Variants in RIOX2 observed in about 807,000 individuals in gnomAD.
RIOX2 encodes 60S ribosomal protein L27a histidine hydroxylase.
A neutral mutation model predicts 51.2 loss-of-function variants in RIOX2; 43 were observed. The ratio of observed to expected loss-of-function variants is 0.84; its 90% CI spans 0.66 to 1.08. The LOEUF (loss-of-function observed/expected upper bound fraction) is 1.08. RIOX2 is among the 50% of genes least tolerant of loss of function. The probability of loss-of-function intolerance (pLI) is 0.00; values close to 1 mark genes in which losing one functional copy is unlikely to be tolerated. For synonymous variants in RIOX2, 226 were observed against 218.5 expected (o/e 1.03, Z -0.30); for missense variants, 566 against 561.7 (o/e 1.01, Z -0.08).
intron 4 of RIOX2, 68 bp from the exon 5 acceptor site, chr3:97,954,563 G>A: frequency 7.6e-7 from 1 of 1,321,452 alleles, no homozygotes; most frequent in Non-Finnish European, 1.1e-6. Context: ...TTCATTTCAG[G>A]GAGATAAATA....
chr3:97,951,539 T>C (rs1705250364), intron 5 of RIOX2, among the ~76,000 whole-genome samples: 1 of 152,226 alleles, frequency 6.6e-6, no homozygotes, highest in Non-Finnish European at 1.5e-5. Context: ...CTGGGGTATC[T>C]GGAATTGGCT....
chr3:97,966,544 A>C (rs1232779502), intron 2 of RIOX2, among the ~76,000 whole-genome samples: 1 of 152,238 alleles, frequency 6.6e-6, no homozygotes, highest in Non-Finnish European at 1.5e-5. Flanking sequence ...TATAGAAAAA[A>C]ATTTAAAAAT....
chr3:97,941,902 T>C lies in RIOX2; in HGVS notation c.*3282A>G, dbSNP rs1292711095. On this transcript the variant is annotated 3_prime_UTR_variant, in exon 10 of 10. Transcript: ENST00000394198. The stretch of plus-strand genomic sequence containing the variant: ...AAAAATGAAAAACTTTTAAAAGTAA[T>C]TATTGTCTGGATATCTTTAGCCCAT... The C allele has an allele frequency of 6.3e-6, 1 of 157,548 alleles. No homozygotes were observed. Among genetic ancestry groups the C allele is most frequent in the Non-Finnish European group, 1.4e-5 (1 of 72,020 alleles). 9.8% of individuals were successfully genotyped at this position (157,548 alleles called of 1,614,324 possible). A position where few individuals can be genotyped will look rare whatever the true frequency, so the allele number is the denominator to read the frequency against.
At position 97,950,906 on chromosome 3, in the gene RIOX2, G is replaced by A. The variant is rs769424893; in HGVS notation, c.786-18C>T. The A allele has an allele frequency of 2.5e-5, 39 of 1,590,328 alleles. No homozygotes were observed. Among genetic ancestry groups the A allele is most frequent in the Non-Finnish European group, 3.3e-5 (38 of 1,160,218 alleles). ...CCCATGAACTAGGATATGCACCAAG[G>A]GGGAAAAAAAAACCAAAACAGTGAG... On this transcript the variant is annotated intron_variant, in intron 5 of 9. Transcript: ENST00000394198.
At chr3:97,962,738 T>C (rs75544304) in intron 2 of RIOX2, among the ~76,000 whole-genome samples, 283 of 152,298 alleles carry the variant, frequency 1.9e-3, no homozygotes, top group African/African-American at 6.5e-3. Context: ...CAAATATCAA[T>C]TATGCAACCC....
intron 2 of RIOX2, among the ~76,000 whole-genome samples, chr3:97,966,529 C>A (rs1433201490): frequency 6.6e-6 from 1 of 152,110 alleles, no homozygotes; most frequent in Non-Finnish European, 1.5e-5. Flanking sequence ...AATGTCAATC[C>A]CTGATATAGA....
chr3:97,969,773 G>A lies in RIOX2; in HGVS notation c.-39-2141C>T, dbSNP rs542972681. Among the ~76,000 whole-genome samples, 159 of 152,292 alleles carry A rather than the reference G, an allele frequency of 1.0e-3. 3 individuals carry two copies. The highest frequency in any genetic ancestry group is 9.9e-4 in the Non-Finnish European group (67 of 68,020). ...GCAACTGAGCACAGCCAGTGTGACCGCTCGAAGACCCTTGGAGCCTTGCAC... is the reference window on the plus strand; with the variant it reads ...GCAACTGAGCACAGCCAGTGTGACCACTCGAAGACCCTTGGAGCCTTGCAC... On this transcript the variant is annotated intron_variant, in intron 1 of 9. Coordinates refer to ENST00000394198, the MANE Select transcript of RIOX2 (RefSeq NM_153182.4).
chr3:97,967,023 G>T, intron 2 of RIOX2, 139 bp downstream of exon 2: 2 of 854,268 alleles, frequency 2.3e-6, no homozygotes, highest in Non-Finnish European at 3.7e-6. Flanking sequence ...AATGCATTTA[G>T]ACCAAAGAGG....
Position 97,942,632 on chromosome 3 carries a change from C to T in RIOX2, c.*2552G>A, listed in dbSNP as rs1194901266. Reference sequence around the variant, plus strand: ...TAGCAGAAAAAGCCAAACAACAAAGCTTAGGGTTTTTGTTCATTAGTACAG... The same window carrying T: ...TAGCAGAAAAAGCCAAACAACAAAGTTTAGGGTTTTTGTTCATTAGTACAG... On this transcript the variant is annotated 3_prime_UTR_variant, in exon 10 of 10. Transcript: ENST00000394198. 1.9e-6 allele frequency: 1 copy of T among 535,248 alleles called. No individual in the cohort carries two copies. Among genetic ancestry groups the T allele is most frequent in the Non-Finnish European group, 3.2e-6 (1 of 314,212 alleles). The allele number at this position is 535,248 out of a possible 1,614,324, so 33.2% of individuals were successfully genotyped here.
intron 2 of RIOX2, among the ~76,000 whole-genome samples, chr3:97,966,496 T>C (rs1011663351): frequency 2.6e-5 from 4 of 152,190 alleles, no homozygotes; most frequent in African/African-American, 4.8e-5. Context: ...AAACCAAGCA[T>C]AGAGGAGGCA....
chr3:97,949,725 T>C, intron 7 of RIOX2, 119 bp downstream of exon 7: 2 of 876,128 alleles, frequency 2.3e-6, no homozygotes, highest in South Asian at 1.7e-5. Context: ...ATGGATGTGG[T>C]CCACATTAAC....
At position 97,943,147 on chromosome 3, in the gene RIOX2, AC is replaced by A. The variant is rs2040269189; in HGVS notation, c.*2036del. The A allele has an allele frequency of 1.8e-5, 14 of 781,098 alleles. No individual in the cohort carries two copies. Among genetic ancestry groups the A allele is most frequent in the Non-Finnish European group, 2.8e-5 (13 of 462,260 alleles). The allele number at this position is 781,098 out of a possible 1,614,324, so 48.4% of individuals were successfully genotyped here. On this transcript the variant is annotated 3_prime_UTR_variant, in exon 10 of 10. Coordinates refer to ENST00000394198, the MANE Select transcript of RIOX2 (RefSeq NM_153182.4). Reference sequence around the variant, plus strand: ...TTCATCCACCGAAATGGTGAGCTGAACAGAAGCTTGTGAAAATTGTGAAATT... The same window carrying A: ...TTCATCCACCGAAATGGTGAGCTGAAAGAAGCTTGTGAAAATTGTGAAATT...
At chr3:97,963,688 G>C (rs1266112468) in intron 2 of RIOX2, among the ~76,000 whole-genome samples, 2 of 152,106 alleles carry the variant, frequency 1.3e-5, no homozygotes, top group Admixed American at 1.3e-4. Context: ...GGACTGTATA[G>C]GTGATTTTAT....
rs1356526458 is a variant in RIOX2, at chr3:97,944,921, G to C, written c.*263C>G. The C allele has an allele frequency of 3.8e-6, 1 of 260,852 alleles. No homozygotes were observed. Among genetic ancestry groups the C allele is most frequent in the Non-Finnish European group, 7.2e-6 (1 of 139,342 alleles). 16.2% of individuals were successfully genotyped at this position (260,852 alleles called of 1,614,324 possible). On this transcript the variant is annotated 3_prime_UTR_variant, in exon 10 of 10. Transcript: ENST00000394198. ...CAATTCTAAATGATACATTGGAATTGTGCCTTTTCTACCACACTGGATTAA... is the reference window on the plus strand; with the variant it reads ...CAATTCTAAATGATACATTGGAATTCTGCCTTTTCTACCACACTGGATTAA...
In RIOX2 at chr3:97,945,845, T is replaced by G; in HGVS notation, c.1192A>C (p.Lys398Gln). 6.2e-7 allele frequency: 1 copy of G among 1,611,176 alleles called. No individual in the cohort carries two copies. Among genetic ancestry groups the G allele is most frequent in the East Asian group, 2.2e-5 (1 of 44,832 alleles). The part of the protein sequence containing the change: ...EKMVYIYHSL[K>Q]NSRETHMMGN... ...ATCATGTGTGTCTCTCTACTATTCT[T>G]TAAGGAATGATAGATGTACACCATC... Residue 398 changes from lysine (K) to glutamine (Q), a missense_variant, in exon 9 of 10, where the codon AAG (lysine) becomes CAG (glutamine). Physicochemically the swap from Lys to Gln is moderately conservative, Grantham distance 53. Transcript: ENST00000394198.
At chr3:97,948,414 C>T (rs566432190) in intron 7 of RIOX2, among the ~76,000 whole-genome samples, 1 of 152,292 alleles carries the variant, frequency 6.6e-6, no homozygotes, top group African/African-American at 2.4e-5. Context: ...TCTTTGTGTT[C>T]TCCTGTTGAA....
rs4061087 is a variant in RIOX2 at position 97,946,586 on chromosome 3, GTATATATA to G, written c.1150-707_1150-700del. 1.3e-3 allele frequency among the ~76,000 whole-genome samples: 172 copies of G among 127,612 alleles called. 4 individuals carry two copies. The highest frequency in any genetic ancestry group is 5.2e-3 in the African/African-American group (155 of 30,060). The allele number at this position is 127,612 out of a possible 152,430, so 83.7% of individuals were successfully genotyped here. A position where few individuals can be genotyped will look rare whatever the true frequency, so the allele number is the denominator to read the frequency against. Reference sequence around the variant, plus strand: ...TGTAGGAATGTGTACTTTTGAGGATGTATATATATATATATATATATCTATTCATGTAT... The same window carrying G: ...TGTAGGAATGTGTACTTTTGAGGATGTATATATATATATCTATTCATGTAT... On this transcript the variant is annotated intron_variant, in intron 8 of 9. Coordinates refer to ENST00000394198, the MANE Select transcript of RIOX2 (RefSeq NM_153182.4).
intron 2 of RIOX2, among the ~76,000 whole-genome samples, chr3:97,962,023 A>G (rs1705697168): frequency 6.6e-6 from 1 of 152,176 alleles, no homozygotes; most frequent in South Asian, 2.1e-4. Flanking sequence ...CACCCTGGTT[A>G]TTGTGTGAAG....
chr3:97,945,901 A>T lies in RIOX2; in HGVS notation c.1150-14T>A. On this transcript the variant is annotated splice_polypyrimidine_tract_variant and intron_variant, in intron 8 of 9. Coordinates refer to ENST00000394198, the MANE Select transcript of RIOX2 (RefSeq NM_153182.4). The stretch of plus-strand genomic sequence containing the variant: ...TTGAGCTTCATCCTTTGGGGAAAAA[A>T]TAAATGCATTAGGCCATCAACAACA... The T allele has an allele frequency of 6.4e-7, 1 of 1,569,560 alleles. No homozygotes were observed. The highest frequency in any genetic ancestry group is 8.8e-7 in the Non-Finnish European group (1 of 1,140,676).
Sources: gnomAD v4.1 joint callset for allele counts (sites outside exome capture counted in the v4.1 genomes callset) on GRCh38, gnomAD v4.1.1 for gene constraint, MANE v1.5 for transcripts, NCBI Gene and HGNC (gene_info 2026-07-23, HGNC 2026-07-21) for gene names.